Variants in TTC17 observed in about 807,000 individuals in gnomAD.
TTC17 encodes tetratricopeptide repeat domain 17, also known as tetratricopeptide repeat protein 17.
A neutral mutation model predicts 143.8 loss-of-function variants in TTC17; 58 were observed. The observed-to-expected ratio is 0.40, with a 90% CI of 0.33 to 0.50. TTC17 has a LOEUF of 0.50. TTC17 is among the 20% of genes least tolerant of loss of function. The probability of loss-of-function intolerance (pLI) is 0.49; values close to 1 mark genes in which losing one functional copy is unlikely to be tolerated. For synonymous variants in TTC17, 501 were observed against 497.8 expected (o/e 1.01, Z -0.09); for missense variants, 1,273 against 1,392.5 (o/e 0.91, Z 1.37).
At chr11:43,410,706 C>T in intron 15 of TTC17, among the ~76,000 whole-genome samples, 1 of 152,174 alleles carries the variant, frequency 6.6e-6, no homozygotes, top group East Asian at 1.9e-4. Context: ...CTAAAGGGCG[C>T]TCTAGAACAA....
At chr11:43,389,855 T>C in intron 3 of TTC17, 34 bp downstream of exon 3, 2 of 1,532,398 alleles carry the variant, frequency 1.3e-6, no homozygotes, top group Non-Finnish European at 1.8e-6. Context: ...ATAAAATTGC[T>C]GTTTCAAACA....
chr11:43,444,180 G>A lies in TTC17; in HGVS notation c.2636G>A (p.Gly879Asp), dbSNP rs757143039. The A allele has an allele frequency of 4.3e-6, 7 of 1,610,920 alleles. No individual in the cohort carries two copies. The highest frequency in any genetic ancestry group is 5.9e-6 in the Non-Finnish European group (7 of 1,178,906). ...HRYQANLEIT[G>D]PKVASPGPQG... is the part of the protein sequence containing the mutation. Reference sequence around the variant, plus strand: ...TACCAAGCAAACCTAGAGATCACTGGCCCCAAGGTGGCATCTCCTGGGCCA... The same window carrying A: ...TACCAAGCAAACCTAGAGATCACTGACCCCAAGGTGGCATCTCCTGGGCCA... The change falls in exon 18 of 24, where the codon GGC (glycine) becomes GAC (aspartate). Residue 879 changes from glycine to aspartate, a missense_variant. Around this residue, in one of 3 missense-constraint regions of TTC17, gnomAD observed 878 missense variants for 899.8 expected, o/e 0.98. Coordinates refer to ENST00000039989, the MANE Select transcript of TTC17 (RefSeq NM_018259.6).
At chr11:43,422,677 A>G (rs1946934527) in intron 16 of TTC17, among the ~76,000 whole-genome samples, 1 of 152,176 alleles carries the variant, frequency 6.6e-6, no homozygotes, top group Non-Finnish European at 1.5e-5. Context: ...TTATTGTACC[A>G]GCATGCTATA....
intron 2 of TTC17, among the ~76,000 whole-genome samples, chr11:43,384,778 G>T (rs1857111059): frequency 6.6e-6 from 1 of 152,196 alleles, no homozygotes; most frequent in African/African-American, 2.4e-5. Context: ...TTAGTGACAT[G>T]TATGACCATG....
chr11:43,445,415 A>G (rs965947016), intron 18 of TTC17, among the ~76,000 whole-genome samples: 22 of 152,200 alleles, frequency 1.4e-4, no homozygotes, highest in Non-Finnish European at 4.4e-5. Context: ...AATGTTATAA[A>G]CGGTCATCTC....
chr11:43,445,510 T>TA lies in TTC17; in HGVS notation c.2665+1302dup, dbSNP rs199937827. On this transcript the variant is annotated intron_variant, in intron 18 of 23. Transcript: ENST00000039989. ...TAAATATTTTACAATAAGCCTATATTACTTTTATAAACAAAAAACTAAAAA... is the reference window on the plus strand; with the variant it reads ...TAAATATTTTACAATAAGCCTATATTAACTTTTATAAACAAAAAACTAAAAA... Among the ~76,000 whole-genome samples, 1,365 of 152,338 alleles carry TA rather than the reference T, an allele frequency of 9.0e-3. 12 individuals carry two copies. Among genetic ancestry groups the TA allele is most frequent in the Non-Finnish European group, 0.015 (1,004 of 68,022 alleles).
At chr11:43,359,193 G>C in intron 1 of TTC17, 80 bp downstream of exon 1, 1 of 1,435,454 alleles carries the variant, frequency 7.0e-7, no homozygotes, top group Non-Finnish European at 9.2e-7. Flanking sequence ...TGGCTGTTGG[G>C]CTCCGCGCGG....
chr11:43,418,073 C>G (rs533946410), intron 16 of TTC17, among the ~76,000 whole-genome samples: 11 of 152,188 alleles, frequency 7.2e-5, no homozygotes, highest in African/African-American at 2.6e-4. Context: ...CTGTTTTGTT[C>G]AACTTAAAAA....
intron 5 of TTC17, among the ~76,000 whole-genome samples, chr11:43,393,377 G>C (rs1857461354): frequency 6.6e-6 from 1 of 152,174 alleles, no homozygotes; most frequent in Non-Finnish European, 1.5e-5. Context: ...TGTAAAGGAT[G>C]CAATTCAGGA....
intron 21 of TTC17, chr11:43,466,598 C>T: frequency 6.9e-6 from 2 of 291,008 alleles, no homozygotes. Flanking sequence ...CCCATAATGG[C>T]ATTGGTGGCA....
intron 16 of TTC17, among the ~76,000 whole-genome samples, chr11:43,436,776 T>C (rs931948233): frequency 3.9e-5 from 6 of 152,208 alleles, no homozygotes; most frequent in Non-Finnish European, 7.3e-5. Flanking sequence ...GCATGACTTC[T>C]TTTTAGTATT....
chr11:43,431,867 G>C (rs181242073), intron 16 of TTC17, among the ~76,000 whole-genome samples: 8 of 152,288 alleles, frequency 5.3e-5, no homozygotes, highest in Admixed American at 2.6e-4. Flanking sequence ...TGAGGAAAAC[G>C]ATTCACAAAA....
At chr11:43,425,604 C>T (rs929035769) in intron 16 of TTC17, among the ~76,000 whole-genome samples, 1 of 152,052 alleles carries the variant, frequency 6.6e-6, no homozygotes, top group Non-Finnish European at 1.5e-5. Context: ...AAAGAGCATT[C>T]GTGAGATTTT....
At chr11:43,381,528 AAATAAT>A (rs1345909302) in intron 2 of TTC17, among the ~76,000 whole-genome samples, 3 of 152,162 alleles carry the variant, frequency 2.0e-5, no homozygotes, top group African/African-American at 7.2e-5. Context: ...AGCCTGGCAA[AAATAAT>A]AATAATAACA....
intron 1 of TTC17, among the ~76,000 whole-genome samples, chr11:43,359,598 C>T (rs1001310829): frequency 6.6e-6 from 1 of 152,216 alleles, no homozygotes; most frequent in African/African-American, 2.4e-5. Context: ...CTAGTCTCGT[C>T]TACCACATGG....
At chr11:43,448,507 A>C (rs778692715) in intron 19 of TTC17, 1 of 161,220 alleles carries the variant, frequency 6.2e-6, no homozygotes, top group Non-Finnish European at 1.4e-5. Context: ...GATGCCTCTG[A>C]TAACTGCTTT....
chr11:43,488,100 A>C (rs1403833601), intron 21 of TTC17, among the ~76,000 whole-genome samples: 2 of 152,204 alleles, frequency 1.3e-5, no homozygotes, highest in African/African-American at 4.8e-5. Flanking sequence ...TATTGTTCCC[A>C]TGAGCCGTTC....
At chr11:43,395,181 A>G (rs1450703785) in intron 5 of TTC17, among the ~76,000 whole-genome samples, 2 of 151,004 alleles carry the variant, frequency 1.3e-5, no homozygotes, top group Non-Finnish European at 2.9e-5. Context: ...GCTCACTGCA[A>G]GCTCCGTCTC....
At chr11:43,359,545 C>T (rs1042507839) in intron 1 of TTC17, among the ~76,000 whole-genome samples, 3 of 152,224 alleles carry the variant, frequency 2.0e-5, no homozygotes, top group Non-Finnish European at 4.4e-5. Context: ...CATGGTATGA[C>T]AGCTTCTGGA....
Sources: allele counts gnomAD v4.1 joint callset (sites outside exome capture counted in the v4.1 genomes callset), GRCh38; gene constraint gnomAD v4.1.1; regional missense constraint gnomAD v4.1.1; transcripts MANE v1.5; gene names NCBI Gene and HGNC (gene_info 2026-07-23, HGNC 2026-07-21).